DLG1: variants seen among roughly 807,000 people sequenced by gnomAD.
DLG1 encodes discs large MAGUK scaffold protein 1, also known as disks large homolog 1.
DLG1 carries 42 observed loss-of-function variants against 123.4 expected under a neutral mutation model. The ratio of observed to expected loss-of-function variants is 0.34; its 90% CI spans 0.27 to 0.44. The LOEUF (loss-of-function observed/expected upper bound fraction) is 0.44, where lower values mean the gene tolerates loss of function less well. Ranked by LOEUF, DLG1 falls within the 20% of genes least tolerant of loss-of-function variation. DLG1 has a pLI of 1.00. For synonymous variants in DLG1, 317 were observed against 356.2 expected (o/e 0.89, Z 1.24); for missense variants, 942 against 1,082.6 (o/e 0.87, Z 1.82).
chr3:197,216,657 C>T (rs1447144595), intron 4 of DLG1, among the ~76,000 whole-genome samples: 1 of 152,130 alleles, frequency 6.6e-6, no homozygotes, highest in African/African-American at 2.4e-5. Context: ...TTTCAGACTC[C>T]CAGAAGGAGG....
chr3:197,231,965 C>G (rs534499120), intron 4 of DLG1, among the ~76,000 whole-genome samples: 1 of 102,328 alleles, frequency 9.8e-6, no homozygotes, highest in Non-Finnish European at 2.2e-5. Flanking sequence ...TGGGGCAAAC[C>G]TGTAAGATAC....
At chr3:197,098,555 G>A (rs967749708) in intron 14 of DLG1, among the ~76,000 whole-genome samples, 4 of 149,710 alleles carry the variant, frequency 2.7e-5, no homozygotes, top group East Asian at 2.0e-4. Flanking sequence ...CTTCCCACCC[G>A]CCCCCACCTC....
intron 4 of DLG1, among the ~76,000 whole-genome samples, chr3:197,201,211 G>A (rs1437073929): frequency 1.3e-5 from 2 of 152,092 alleles, no homozygotes; most frequent in South Asian, 2.1e-4. Flanking sequence ...GTGAAAACCC[G>A]TCTCTACTAA....
chr3:197,192,653 T>C (rs562836900), intron 5 of DLG1, among the ~76,000 whole-genome samples: 10 of 152,276 alleles, frequency 6.6e-5, no homozygotes, highest in African/African-American at 1.7e-4. Flanking sequence ...TATTCAGCTA[T>C]CCTACATGTA....
chr3:197,192,605 G>A (rs1318813589), intron 5 of DLG1, among the ~76,000 whole-genome samples: 1 of 151,994 alleles, frequency 6.6e-6, no homozygotes, highest in African/African-American at 2.4e-5. Flanking sequence ...CCCCAAGGGA[G>A]GATCAGATTA....
chr3:197,149,093 T>C (rs867369464), intron 6 of DLG1, among the ~76,000 whole-genome samples: 3 of 152,232 alleles, frequency 2.0e-5, no homozygotes, highest in Non-Finnish European at 2.9e-5. Context: ...TTTTAAAGTA[T>C]GCAATTCAGT....
At chr3:197,170,625 C>T (rs899973771) in intron 5 of DLG1, among the ~76,000 whole-genome samples, 6 of 152,096 alleles carry the variant, frequency 3.9e-5, no homozygotes, top group Admixed American at 6.5e-5. Context: ...TCCTTATAGA[C>T]GCCGGATATT....
intron 14 of DLG1, among the ~76,000 whole-genome samples, chr3:197,099,081 T>C (rs919609197): frequency 1.3e-5 from 2 of 152,234 alleles, no homozygotes; most frequent in Non-Finnish European, 2.9e-5. Context: ...TAAGGTTTTT[T>C]TGGAGACAGG....
intron 5 of DLG1, among the ~76,000 whole-genome samples, chr3:197,191,738 T>TA (rs1271844884): frequency 3.3e-5 from 5 of 152,078 alleles, no homozygotes; most frequent in Non-Finnish European, 7.4e-5. Context: ...TTGTCTGGAG[T>TA]AAGAGTGAAT....
At chr3:197,286,559 CG>C (rs1771958404) in intron 3 of DLG1, among the ~76,000 whole-genome samples, 1 of 152,082 alleles carries the variant, frequency 6.6e-6, no homozygotes, top group South Asian at 2.1e-4. Flanking sequence ...GTCTGTGGCA[CG>C]GGAGTTGGGG....
chr3:197,201,053 G>A (rs571057877), intron 4 of DLG1, among the ~76,000 whole-genome samples: 1 of 152,188 alleles, frequency 6.6e-6, no homozygotes, highest in African/African-American at 2.4e-5. Flanking sequence ...AATTATTCCT[G>A]TTTGCTGATG....
At chr3:197,093,594 C>T (rs2149205241) in intron 14 of DLG1, among the ~76,000 whole-genome samples, 1 of 149,904 alleles carries the variant, frequency 6.7e-6, no homozygotes. Flanking sequence ...ATATGCAGTC[C>T]TTTATTTTTA....
intron 22 of DLG1, among the ~76,000 whole-genome samples, chr3:197,064,805 CTTTT>C (rs916263674): frequency 1.3e-5 from 2 of 150,660 alleles, no homozygotes; most frequent in African/African-American, 2.4e-5. Context: ...ATTGATCTTT[CTTTT>C]TTTTTCTTTT....
rs1393849449 is a variant in DLG1, at chr3:197,296,174, GTTATTT to G, written c.151+166_151+171del. ...AATCCTGAAAGTTTTTTGGTTACTA[GTTATTT>G]TAAGAAAGGACACTGGCCTATGAAA... On this transcript the variant is annotated intron_variant, in intron 3 of 24. Transcript: ENST00000667157. Among the ~76,000 whole-genome samples the G allele has an allele frequency of 1.3e-5, 2 of 152,140 alleles. 1 individual carries two copies. Among genetic ancestry groups the G allele is most frequent in the Middle Eastern group, 6.3e-3 (2 of 316 alleles).
chr3:197,076,431 G>A (rs113818586), intron 18 of DLG1, among the ~76,000 whole-genome samples, 155 bp downstream of exon 18: 18 of 152,112 alleles, frequency 1.2e-4, no homozygotes, highest in African/African-American at 4.3e-4. Flanking sequence ...AGTTAAGATC[G>A]GCATACAAAT....
chr3:197,192,699 C>T (rs1465858887), intron 5 of DLG1, among the ~76,000 whole-genome samples: 4 of 151,994 alleles, frequency 2.6e-5, no homozygotes, highest in Admixed American at 6.5e-5. Context: ...AATGTACATA[C>T]ATAAACATGT....
chr3:197,165,439 T>C (rs966311512), intron 5 of DLG1, among the ~76,000 whole-genome samples: 4 of 152,232 alleles, frequency 2.6e-5, no homozygotes, highest in African/African-American at 7.2e-5. Context: ...TTGAGAGTGA[T>C]GATACTTGCA....
chr3:197,097,288 G>A (rs1463747894), intron 14 of DLG1, among the ~76,000 whole-genome samples: 1 of 152,122 alleles, frequency 6.6e-6, no homozygotes, highest in Non-Finnish European at 1.5e-5. Flanking sequence ...AACTCTTATA[G>A]TTCACTTGGT....
chr3:197,131,249 TACTC>T (rs1337979992), intron 10 of DLG1, among the ~76,000 whole-genome samples: 2 of 152,246 alleles, frequency 1.3e-5, no homozygotes, highest in African/African-American at 2.4e-5. Context: ...AGTAAATTTA[TACTC>T]ACTACCACAG....
Sources: allele counts gnomAD v4.1 joint callset (sites outside exome capture counted in the v4.1 genomes callset), GRCh38; gene constraint gnomAD v4.1.1; transcripts MANE v1.5; gene names NCBI Gene and HGNC (gene_info 2026-07-23, HGNC 2026-07-21).